ASIC2: variants seen among roughly 807,000 people sequenced by gnomAD.
ASIC2 encodes acid-sensing ion channel 2.
ASIC2 carries 25 observed loss-of-function variants against 57.3 expected under a neutral mutation model. The ratio of observed to expected loss-of-function variants is 0.44; its 90% CI spans 0.32 to 0.61. The LOEUF (loss-of-function observed/expected upper bound fraction) is 0.61, where lower values mean the gene tolerates loss of function less well. ASIC2 is among the 20% of genes least tolerant of loss of function. The probability of loss-of-function intolerance (pLI) is 0.06; values close to 1 mark genes in which losing one functional copy is unlikely to be tolerated. For missense variants in ASIC2, 641 were observed against 738.1 expected (o/e 0.87, Z 1.52); for synonymous variants, 319 against 307.5 (o/e 1.04, Z -0.39).
chr17:33,477,892 T>C (rs1035180207), intron 1 of ASIC2, among the ~76,000 whole-genome samples: 3 of 152,116 alleles, frequency 2.0e-5, no homozygotes, highest in Non-Finnish European at 4.4e-5. Context: ...CTCAGGGCAT[T>C]TGAGGATGTG....
At chr17:34,073,960 A>G (rs1014658635) in intron 1 of ASIC2, among the ~76,000 whole-genome samples, 8 of 152,080 alleles carry the variant, frequency 5.3e-5, no homozygotes, top group African/African-American at 1.4e-4. Context: ...TCTCTCTCCA[A>G]CTGGACTGTC....
intron 1 of ASIC2, among the ~76,000 whole-genome samples, chr17:33,991,095 T>C (rs77704420): frequency 0.019 from 2,933 of 152,308 alleles, 95 homozygotes; most frequent in African/African-American, 0.067. Context: ...GGCTGACTGC[T>C]ATAATAAAAA....
chr17:33,172,127 A>G (rs1370637920), intron 1 of ASIC2, among the ~76,000 whole-genome samples: 1 of 152,260 alleles, frequency 6.6e-6, no homozygotes, highest in African/African-American at 2.4e-5. Context: ...TCATGATTGC[A>G]TCATGCCCCC....
At chr17:33,326,282 T>A (rs1907075174) in intron 1 of ASIC2, among the ~76,000 whole-genome samples, 1 of 152,234 alleles carries the variant, frequency 6.6e-6, no homozygotes, top group East Asian at 1.9e-4. Flanking sequence ...GGTCATTAAC[T>A]TGACCAATAT....
intron 1 of ASIC2, among the ~76,000 whole-genome samples, chr17:33,313,787 A>G (rs1906531110): frequency 6.6e-6 from 1 of 151,976 alleles, no homozygotes. Flanking sequence ...GGCGGAATCG[A>G]AGTAGAAAGG....
chr17:34,155,818 A>G lies in ASIC2; in HGVS notation c.555+160T>C, dbSNP rs892384908. 1.1e-5 allele frequency: 8 copies of G among 751,872 alleles called. No homozygotes were observed. The African/African-American group carries it at 1.4e-4, about 13-fold the overall frequency. The allele number at this position is 751,872 out of a possible 1,614,324, so 46.6% of individuals were successfully genotyped here. A position where few individuals can be genotyped will look rare whatever the true frequency, so the allele number is the denominator to read the frequency against. ...CTGGCCGGTAGCCTTCCCTGCAACC[A>G]GCTCGCACAACTCTGACCAACTACC... On this transcript the variant is annotated intron_variant, in intron 1 of 9. Coordinates refer to the ASIC2 transcript ENST00000359872.
rs567956328 is a variant in ASIC2, at chr17:33,632,243, A to T, written c.556-520176T>A. Among the ~76,000 whole-genome samples, 58 of 152,348 alleles carry T rather than the reference A, an allele frequency of 3.8e-4. No individual in the cohort carries two copies. In the South Asian group the frequency reaches 4.8e-3, roughly 13 times the overall value. On this transcript the variant is annotated intron_variant, in intron 1 of 9. Coordinates refer to the ASIC2 transcript ENST00000359872. ...AGTATGTAGAACCTAGTAGTGATAG[A>T]TTCATTGCATTTAAGAATGTCTAAT...
chr17:33,298,962 A>G (rs970395448), intron 1 of ASIC2, among the ~76,000 whole-genome samples: 2 of 152,258 alleles, frequency 1.3e-5, no homozygotes, highest in African/African-American at 4.8e-5. Flanking sequence ...ATGGAAGAAC[A>G]TTCCATGCTC....
intron 3 of ASIC2, among the ~76,000 whole-genome samples, chr17:33,075,023 C>A (rs1414432777): frequency 6.6e-6 from 1 of 152,152 alleles, no homozygotes; most frequent in Non-Finnish European, 1.5e-5. Context: ...ACTGCCATGT[C>A]CCCTCTGAGA....
chr17:33,369,140 G>A (rs1908942152), intron 1 of ASIC2, among the ~76,000 whole-genome samples: 1 of 152,184 alleles, frequency 6.6e-6, no homozygotes, highest in Admixed American at 6.5e-5. Flanking sequence ...AGGGCAGTGA[G>A]TGTTCCAACC....
chr17:33,499,939 G>C (rs1474271257), intron 1 of ASIC2, among the ~76,000 whole-genome samples: 1 of 152,140 alleles, frequency 6.6e-6, no homozygotes, highest in African/African-American at 2.4e-5. Context: ...TCTCCTTCTA[G>C]ACTGTGAAGT....
chr17:33,587,656 CA>C, intron 1 of ASIC2, among the ~76,000 whole-genome samples: 1 of 152,294 alleles, frequency 6.6e-6, no homozygotes, highest in African/African-American at 2.4e-5. Context: ...TGAGGTTGGG[CA>C]TAACACTTGT....
At chr17:33,859,170 T>C (rs1162120002) in intron 1 of ASIC2, among the ~76,000 whole-genome samples, 1 of 152,174 alleles carries the variant, frequency 6.6e-6, no homozygotes, top group Non-Finnish European at 1.5e-5. Flanking sequence ...ATAAAAATAA[T>C]AGTGTTGGGT....
chr17:33,596,116 A>ACCC (rs11445913), intron 1 of ASIC2, among the ~76,000 whole-genome samples: 1 of 151,924 alleles, frequency 6.6e-6, no homozygotes, highest in African/African-American at 2.4e-5. Flanking sequence ...ATTTAGACCC[A>ACCC]CCCGCCAAAT....
At chr17:33,799,527 T>C (rs1023243309) in intron 1 of ASIC2, among the ~76,000 whole-genome samples, 1 of 149,796 alleles carries the variant, frequency 6.7e-6, no homozygotes, top group Non-Finnish European at 1.5e-5. Flanking sequence ...TCTTTCTTCT[T>C]TCTTCCACAA....
chr17:33,654,126 T>C (rs549748892), intron 1 of ASIC2, among the ~76,000 whole-genome samples: 2 of 152,336 alleles, frequency 1.3e-5, no homozygotes, highest in South Asian at 2.1e-4. Context: ...ATAGAGGTAC[T>C]GTAATGATAA....
chr17:33,515,152 G>A (rs534983000), intron 1 of ASIC2, among the ~76,000 whole-genome samples: 9 of 152,378 alleles, frequency 5.9e-5, no homozygotes, highest in African/African-American at 2.2e-4. Context: ...AAGGAGGGAA[G>A]TGCACAGGGC....
intron 2 of ASIC2, among the ~76,000 whole-genome samples, chr17:33,091,413 G>A (rs1331337956): frequency 6.6e-6 from 1 of 152,228 alleles, no homozygotes; most frequent in Non-Finnish European, 1.5e-5. Context: ...GGGAACAGGA[G>A]AGATGCCAGA....
At chr17:33,344,535 G>A (rs1371346547) in intron 1 of ASIC2, among the ~76,000 whole-genome samples, 1 of 152,112 alleles carries the variant, frequency 6.6e-6, no homozygotes, top group Non-Finnish European at 1.5e-5. Flanking sequence ...CCACTGCATA[G>A]CCCCAAGCCA....
Sources: gnomAD v4.1 joint callset for allele counts (sites outside exome capture counted in the v4.1 genomes callset) on GRCh38, gnomAD v4.1.1 for gene constraint, MANE v1.5 for transcripts, NCBI Gene and HGNC (gene_info 2026-07-23, HGNC 2026-07-21) for gene names.